Variants in ACOT7 observed in about 807,000 individuals in gnomAD.
The protein encoded by ACOT7 is acyl-CoA thioesterase 7.
In ACOT7, 12 loss-of-function variants were observed where a neutral mutation model predicts 40.2. That is an observed-to-expected ratio of 0.30 (90% CI 0.19 to 0.48). The LOEUF is 0.48. ACOT7 is among the 20% of genes least tolerant of loss of function. The pLI is 0.99. For missense variants in ACOT7, 395 were observed against 530.8 expected (o/e 0.74, Z 2.51); for synonymous variants, 228 against 219.5 (o/e 1.04, Z -0.34).
chr1:6,349,922 A>C, intron 1 of ACOT7, 56 bp from the exon 2 acceptor site: 3 of 1,550,272 alleles, frequency 1.9e-6, no homozygotes, highest in East Asian at 4.5e-5. Context: ...TTTGTGCAAC[A>C]GTGACAATCC....
intron 6 of ACOT7, among the ~76,000 whole-genome samples, chr1:6,303,976 G>A (rs1402840104): frequency 6.6e-6 from 1 of 152,150 alleles, no homozygotes; most frequent in African/African-American, 2.4e-5. Flanking sequence ...TCAAAATAAG[G>A]AAGCAGAGAA....
chr1:6,290,229 C>T (rs115667341), intron 7 of ACOT7, among the ~76,000 whole-genome samples: 3,699 of 152,286 alleles, frequency 0.024, 141 homozygotes, highest in African/African-American at 0.086. Context: ...TGCAGACCTG[C>T]CTTAGACTTC....
At chr1:6,316,587 A>C (rs1205516840) in intron 6 of ACOT7, among the ~76,000 whole-genome samples, 1 of 152,250 alleles carries the variant, frequency 6.6e-6, no homozygotes, top group African/African-American at 2.4e-5. Flanking sequence ...AGGTGGGCAG[A>C]TCACTTGAGG....
At chr1:6,304,431 G>A (rs1640062919) in intron 6 of ACOT7, among the ~76,000 whole-genome samples, 1 of 137,444 alleles carries the variant, frequency 7.3e-6, no homozygotes, top group Non-Finnish European at 1.5e-5. Context: ...ATTCTTGGGT[G>A]TTTCTCGCAG....
intron 1 of ACOT7, among the ~76,000 whole-genome samples, chr1:6,382,709 G>A (rs373731742): frequency 3.3e-4 from 50 of 151,526 alleles, no homozygotes; most frequent in East Asian, 1.4e-3. Flanking sequence ...CCAGCTACTC[G>A]GGTGGCTGAG....
At position 6,330,851 on chromosome 1, in the gene ACOT7, G is replaced by C. The variant is rs534388013; in HGVS notation, c.510+2626C>G. The stretch of plus-strand genomic sequence containing the variant: ...CCCCTCGGTATCACCCGCCTGAGAT[G>C]CACCATCAGATGCTGAAGCCAGGCA... On this transcript the variant is annotated intron_variant, in intron 4 of 8. Transcript: ENST00000361521. This position sits in a 1 kb window ranked among gnomAD's most constrained non-coding sequence, Gnocchi z 4.6. Among the ~76,000 whole-genome samples the C allele has an allele frequency of 6.6e-5, 10 of 152,314 alleles. No individual in the cohort carries two copies. The highest frequency in any genetic ancestry group is 2.4e-4 in the African/African-American group (10 of 41,578).
At chr1:6,363,992 G>C (rs746400888) in intron 1 of ACOT7, among the ~76,000 whole-genome samples, 6 of 152,108 alleles carry the variant, frequency 3.9e-5, no homozygotes, top group Admixed American at 6.6e-5. Context: ...AGGATCACTT[G>C]AGCTGGGAGG....
At chr1:6,357,749 G>A (rs1641786440) in intron 1 of ACOT7, among the ~76,000 whole-genome samples, 1 of 152,264 alleles carries the variant, frequency 6.6e-6, no homozygotes, top group South Asian at 2.1e-4. Flanking sequence ...CAGCCTTGAG[G>A]GACAAAACAG....
chr1:6,269,867 C>T (rs1428127430), intron 8 of ACOT7, among the ~76,000 whole-genome samples: 3 of 152,214 alleles, frequency 2.0e-5, no homozygotes, highest in Non-Finnish European at 2.9e-5. Context: ...GTGGAGTGCC[C>T]GCCCATAAGC....
At chr1:6,353,254 C>T (rs1421066304) in intron 1 of ACOT7, among the ~76,000 whole-genome samples, 1 of 151,848 alleles carries the variant, frequency 6.6e-6, no homozygotes, top group East Asian at 1.9e-4. Flanking sequence ...GGGAAGAGTA[C>T]GTTGCAGTGA....
chr1:6,290,948 T>G (rs1639645160), intron 7 of ACOT7, among the ~76,000 whole-genome samples: 1 of 152,068 alleles, frequency 6.6e-6, no homozygotes, highest in Non-Finnish European at 1.5e-5. Context: ...TTCCTTAGAG[T>G]GGCCCCTTCT....
rs866788715 is a variant in ACOT7, at chr1:6,359,844, G to C, written c.144-9978C>G. ...GCACAGCCTCAACCAGGCTGCACCCGCCGGCCTCTGGGCAAGTTTCACATG... is the reference window on the plus strand; with the variant it reads ...GCACAGCCTCAACCAGGCTGCACCCCCCGGCCTCTGGGCAAGTTTCACATG... On this transcript the variant is annotated intron_variant, in intron 1 of 8. Transcript: ENST00000361521. The surrounding 1 kb of genome is among the most constrained non-coding windows in gnomAD (Gnocchi z 4.1). Among the ~76,000 whole-genome samples, 1 of 152,202 alleles carries C rather than the reference G, an allele frequency of 6.6e-6. No homozygotes were observed. The highest frequency in any genetic ancestry group is 2.1e-4 in the South Asian group (1 of 4,838).
rs1014401370 is a variant in ACOT7 at position 6,393,723 on chromosome 1, G to A, written c.-324C>T. ...CTGGGGCGGCCTAAGTGGCGGAGCA[G>A]GGCGGACTTGGGCCCTCACTCTCCG... On this transcript the variant is annotated 5_prime_UTR_variant, in exon 1 of 9. Coordinates refer to ENST00000361521, the MANE Select transcript of ACOT7 (RefSeq NM_007274.4). 83 of 188,366 alleles carry A rather than the reference G, an allele frequency of 4.4e-4. 1 individual carries two copies. Among genetic ancestry groups the A allele is most frequent in the African/African-American group, 1.9e-3 (81 of 42,804 alleles). The allele number at this position is 188,366 out of a possible 1,614,324, so 11.7% of individuals were successfully genotyped here. A position where few individuals can be genotyped will look rare whatever the true frequency, so the allele number is the denominator to read the frequency against.
intron 6 of ACOT7, among the ~76,000 whole-genome samples, chr1:6,304,966 G>A (rs1640088276): frequency 6.7e-6 from 1 of 149,436 alleles, no homozygotes; most frequent in South Asian, 2.1e-4. Flanking sequence ...TCCCAGTAGG[G>A]GCGGCCGGGC....
chr1:6,326,931 C>CAAAAAA (rs1163224507), intron 5 of ACOT7, among the ~76,000 whole-genome samples: 1 of 61,192 alleles, frequency 1.6e-5, no homozygotes, highest in African/African-American at 5.1e-5. Flanking sequence ...GACTCCAACT[C>CAAAAAA]AAAAAAAAAA....
intron 4 of ACOT7, among the ~76,000 whole-genome samples, chr1:6,332,216 C>A (rs1400421206): frequency 6.6e-6 from 1 of 152,214 alleles, no homozygotes; most frequent in Middle Eastern, 3.2e-3. Flanking sequence ...AAGCTCCCTG[C>A]CGGGGCCCAC....
chr1:6,293,049 C>G (rs1479854890), intron 7 of ACOT7, among the ~76,000 whole-genome samples: 3 of 152,082 alleles, frequency 2.0e-5, no homozygotes, highest in African/African-American at 7.2e-5. Context: ...GCCACCACGC[C>G]TGGCTAATTT....
chr1:6,280,566 G>A (rs1639326229), intron 8 of ACOT7, among the ~76,000 whole-genome samples: 2 of 152,036 alleles, frequency 1.3e-5, no homozygotes, highest in Admixed American at 1.3e-4. Context: ...AAAGGCCAAG[G>A]GGCTGGGACC....
intron 3 of ACOT7, among the ~76,000 whole-genome samples, chr1:6,336,333 CAAAAAA>C (rs3029068): frequency 9.5e-5 from 5 of 52,772 alleles, no homozygotes; most frequent in South Asian, 1.4e-3. Flanking sequence ...GACTCGGTCT[CAAAAAA>C]AAAAAAAAAA....
Sources: allele counts gnomAD v4.1 joint callset (sites outside exome capture counted in the v4.1 genomes callset), GRCh38; gene constraint gnomAD v4.1.1; non-coding constraint Gnocchi (gnomAD v3.1); transcripts MANE v1.5; gene names NCBI Gene and HGNC (gene_info 2026-07-23, HGNC 2026-07-21).